Variants in MYRIP observed in about 807,000 individuals in gnomAD.
The protein encoded by MYRIP is rab effector MyRIP.
A neutral mutation model predicts 98.0 loss-of-function variants in MYRIP; 49 were observed. The observed-to-expected ratio is 0.50, with a 90% CI of 0.40 to 0.63. The LOEUF (loss-of-function observed/expected upper bound fraction) is 0.63, where lower values mean the gene tolerates loss of function less well. MYRIP is among the 30% of genes least tolerant of loss of function. MYRIP has a pLI of 0.00. For missense variants in MYRIP, 1,004 were observed against 1,058.2 expected (o/e 0.95, Z 0.71); for synonymous variants, 404 against 409.5 (o/e 0.99, Z 0.16).
intron 1 of MYRIP, among the ~76,000 whole-genome samples, chr3:39,896,456 A>G (rs1172421347): frequency 6.6e-6 from 1 of 152,256 alleles, no homozygotes; most frequent in Non-Finnish European, 1.5e-5. Flanking sequence ...GAACAGTCAC[A>G]GTGAAAGCAC....
At chr3:40,076,273 T>C (rs185883188) in intron 3 of MYRIP, among the ~76,000 whole-genome samples, 1 of 152,252 alleles carries the variant, frequency 6.6e-6, no homozygotes, top group Non-Finnish European at 1.5e-5. Flanking sequence ...TAATTATCTT[T>C]CTCAGGGAAG....
chr3:40,091,991 A>G (rs1948743846), intron 3 of MYRIP, among the ~76,000 whole-genome samples: 7 of 152,246 alleles, frequency 4.6e-5, no homozygotes, highest in Admixed American at 4.6e-4. Context: ...GAGACACATT[A>G]GAATACATTT....
chr3:39,964,554 G>C (rs9820000), intron 2 of MYRIP, among the ~76,000 whole-genome samples: 3 of 152,094 alleles, frequency 2.0e-5, no homozygotes, highest in African/African-American at 7.2e-5. Context: ...ATTGGGTAAA[G>C]GTTGATTTTT....
At chr3:40,032,174 T>C (rs1449024299) in intron 2 of MYRIP, among the ~76,000 whole-genome samples, 3 of 152,098 alleles carry the variant, frequency 2.0e-5, no homozygotes, top group Non-Finnish European at 4.4e-5. Context: ...GTCCCAGAGA[T>C]TCTGGTATGT....
intron 2 of MYRIP, among the ~76,000 whole-genome samples, chr3:39,948,614 TAAG>T (rs1189126382): frequency 2.0e-5 from 3 of 151,624 alleles, no homozygotes; most frequent in Admixed American, 2.0e-4. Context: ...AATCTAGAAT[TAAG>T]AAGTAAGAAA....
intron 1 of MYRIP, among the ~76,000 whole-genome samples, chr3:39,873,136 C>A (rs142447441): frequency 4.4e-4 from 67 of 152,260 alleles, no homozygotes; most frequent in African/African-American, 1.5e-3. Flanking sequence ...TAAATATCTT[C>A]TTTTGAGAAG....
chr3:39,998,094 A>G (rs1325993362), intron 2 of MYRIP, among the ~76,000 whole-genome samples: 7 of 152,186 alleles, frequency 4.6e-5, no homozygotes, highest in Admixed American at 2.6e-4. Flanking sequence ...ATGGGCAAAA[A>G]CTGGAAGCAT....
chr3:39,959,281 C>T (rs1945256660), intron 2 of MYRIP, among the ~76,000 whole-genome samples: 1 of 152,186 alleles, frequency 6.6e-6, no homozygotes, highest in Non-Finnish European at 1.5e-5. Context: ...CCCAAATGTC[C>T]ATCAATGATA....
chr3:39,958,737 C>T (rs1375124041), intron 2 of MYRIP, among the ~76,000 whole-genome samples: 3 of 152,156 alleles, frequency 2.0e-5, no homozygotes, highest in African/African-American at 4.8e-5. Context: ...TCAGAGTGAA[C>T]AGGCAACCTA....
chr3:39,972,339 T>A (rs1249969188), intron 2 of MYRIP, among the ~76,000 whole-genome samples: 1 of 152,048 alleles, frequency 6.6e-6, no homozygotes, highest in Non-Finnish European at 1.5e-5. Flanking sequence ...CCTCTGTCTT[T>A]CCCAGCATGC....
At chr3:40,080,826 CT>C (rs1948462931) in intron 3 of MYRIP, among the ~76,000 whole-genome samples, 1 of 69,534 alleles carries the variant, frequency 1.4e-5, no homozygotes, top group Non-Finnish European at 2.9e-5. Context: ...CTTCCATCTA[CT>C]TTCTTTGGGC....
intron 2 of MYRIP, among the ~76,000 whole-genome samples, chr3:39,958,734 G>T (rs1190434567): frequency 2.0e-5 from 3 of 152,144 alleles, no homozygotes; most frequent in African/African-American, 7.2e-5. Flanking sequence ...CCATCAGAGT[G>T]AACAGGCAAC....
intron 4 of MYRIP, among the ~76,000 whole-genome samples, chr3:40,159,787 C>T (rs1240992665): frequency 6.6e-5 from 10 of 152,074 alleles, no homozygotes; most frequent in African/African-American, 1.2e-4. Flanking sequence ...TTGATCGCAT[C>T]GGCTCCTGAG....
At chr3:40,025,283 T>C (rs1037428925) in intron 2 of MYRIP, among the ~76,000 whole-genome samples, 1 of 152,128 alleles carries the variant, frequency 6.6e-6, no homozygotes, top group Non-Finnish European at 1.5e-5. Context: ...GTCATTAACA[T>C]TTGGAGGGAA....
chr3:39,914,145 A>C (rs1944093562), intron 2 of MYRIP, among the ~76,000 whole-genome samples: 1 of 152,168 alleles, frequency 6.6e-6, no homozygotes, highest in African/African-American at 2.4e-5. Context: ...GATAGATCCT[A>C]CTTAAAATTA....
At chr3:40,212,460 G>A (rs1204839360) in intron 11 of MYRIP, among the ~76,000 whole-genome samples, 1 of 151,952 alleles carries the variant, frequency 6.6e-6, no homozygotes, top group East Asian at 1.9e-4. Flanking sequence ...ATATATTTTA[G>A]GATTAGACTG....
At chr3:39,977,712 C>G (rs1333712877) in intron 2 of MYRIP, among the ~76,000 whole-genome samples, 1 of 152,140 alleles carries the variant, frequency 6.6e-6, no homozygotes, top group East Asian at 1.9e-4. Context: ...AACCTTGAGG[C>G]CATTTAATTT....
intron 2 of MYRIP, among the ~76,000 whole-genome samples, chr3:39,902,215 G>C (rs1943758531): frequency 6.6e-6 from 1 of 152,182 alleles, no homozygotes; most frequent in Non-Finnish European, 1.5e-5. Flanking sequence ...ATGAATATTG[G>C]ACATCCAAAG....
At chr3:40,189,058 G>A (rs1951121929) in intron 9 of MYRIP, among the ~76,000 whole-genome samples, 1 of 152,202 alleles carries the variant, frequency 6.6e-6, no homozygotes, top group African/African-American at 2.4e-5. Context: ...AGCTGTCCTT[G>A]CATGGTGCTC....
Sources: allele counts gnomAD v4.1 joint callset (sites outside exome capture counted in the v4.1 genomes callset), GRCh38; gene constraint gnomAD v4.1.1; transcripts MANE v1.5; gene names NCBI Gene and HGNC (gene_info 2026-07-23, HGNC 2026-07-21).